The following BMP2K variants were observed in gnomAD, a reference collection of about 807,000 sequenced individuals.
BMP2K encodes BMP2 inducible kinase, also known as BMP-2-inducible protein kinase.
BMP2K carries 74 observed loss-of-function variants against 116.0 expected under a neutral mutation model. The ratio of observed to expected loss-of-function variants is 0.64; its 90% confidence interval spans 0.53 to 0.77. The LOEUF (loss-of-function observed/expected upper bound fraction) is 0.77, where lower values mean the gene tolerates loss of function less well. Among genes scored for constraint, BMP2K ranks in the 30% least tolerant of loss-of-function variants. The pLI, the probability that BMP2K is intolerant of heterozygous loss-of-function variation, is 0.00. For synonymous variants in BMP2K, 486 were observed against 502.5 expected, an observed-to-expected ratio of 0.97 and a Z score of 0.44; for missense variants, 1,365 against 1,403.6, an observed-to-expected ratio of 0.97 and a Z score of 0.44.
intron 9 of BMP2K, among the ~76,000 whole-genome samples, chr4:78,861,983 T>C (rs1577936128): frequency 6.6e-6 from 1 of 151,936 alleles, no homozygotes; most frequent in East Asian, 1.9e-4. Flanking sequence ...TTGAACTATA[T>C]TATGTAAGTT....
chr4:78,883,681 A>G (rs1341573609), intron 14 of BMP2K, among the ~76,000 whole-genome samples: 1 of 152,204 alleles, frequency 6.6e-6, no homozygotes, highest in African/African-American at 2.4e-5. Context: ...GATGGATGTA[A>G]TATACCCAGT....
intron 1 of BMP2K, among the ~76,000 whole-genome samples, chr4:78,802,041 A>C (rs995101408): frequency 2.0e-5 from 3 of 152,158 alleles, no homozygotes; most frequent in Non-Finnish European, 4.4e-5. Flanking sequence ...ATTTTTTGTT[A>C]GCTTGAGAAG....
chr4:78,788,107 A>G (rs1727813482), intron 1 of BMP2K, among the ~76,000 whole-genome samples: 1 of 151,778 alleles, frequency 6.6e-6, no homozygotes, highest in African/African-American at 2.4e-5. Flanking sequence ...GGGATTATGC[A>G]TCACTGGCAA....
chr4:78,853,302 G>T (rs1441171101), intron 7 of BMP2K, among the ~76,000 whole-genome samples: 2 of 152,050 alleles, frequency 1.3e-5, no homozygotes, highest in African/African-American at 2.4e-5. Flanking sequence ...TTTAGGTCAA[G>T]GGTAGTTACC....
chr4:78,879,917 C>T (rs1239476587), intron 14 of BMP2K: 2 of 151,942 alleles, frequency 1.3e-5, no homozygotes, highest in Non-Finnish European at 2.9e-5. Flanking sequence ...TGATTAAATG[C>T]AGATATAAAA....
intron 10 of BMP2K, among the ~76,000 whole-genome samples, chr4:78,868,933 A>G (rs113912709): frequency 1.3e-5 from 2 of 152,240 alleles, no homozygotes; most frequent in Non-Finnish European, 2.9e-5. Flanking sequence ...TTTCAGGCGC[A>G]TGTTGCAAGC....
chr4:78,850,873 G>T (rs748568395), intron 6 of BMP2K, 51 bp from the exon 7 acceptor site: 3 of 1,582,366 alleles, frequency 1.9e-6, no homozygotes, highest in East Asian at 2.3e-5. Context: ...GGCTATTTTT[G>T]TGTCTTGTTA....
intron 15 of BMP2K, among the ~76,000 whole-genome samples, chr4:78,907,042 G>C (rs1734321302): frequency 6.6e-6 from 1 of 152,058 alleles, no homozygotes; most frequent in South Asian, 2.1e-4. Flanking sequence ...GAAGGAAAAA[G>C]TGCATGAATC....
At chr4:78,792,133 C>G (rs1481645620) in intron 1 of BMP2K, among the ~76,000 whole-genome samples, 1 of 152,100 alleles carries the variant, frequency 6.6e-6, no homozygotes, top group Non-Finnish European at 1.5e-5. Context: ...TAATAGCCAT[C>G]GTAATGAAGT....
chr4:78,875,025 T>C (rs1306229241), intron 13 of BMP2K, among the ~76,000 whole-genome samples: 1 of 152,210 alleles, frequency 6.6e-6, no homozygotes, highest in Non-Finnish European at 1.5e-5. Context: ...GAAATTTATG[T>C]ATTTAAGGAT....
rs527299983 is a variant in BMP2K, at chr4:78,803,935, A to G, written c.179-22102A>G. On this transcript the variant is annotated intron_variant, in intron 1 of 15. Coordinates refer to ENST00000502613, the MANE Select transcript of BMP2K (RefSeq NM_198892.2). Reference sequence around the variant, plus strand: ...AGAACTAGTTTCAGTCTGGAACTGAATCTCTTATACTCTGATTTTTTAAAT... The same window carrying G: ...AGAACTAGTTTCAGTCTGGAACTGAGTCTCTTATACTCTGATTTTTTAAAT... Among the ~76,000 whole-genome samples the G allele has an allele frequency of 9.2e-5, 14 of 152,240 alleles. No individual in the cohort carries two copies. The South Asian group carries it at 1.5e-3, about 16-fold the overall frequency.
intron 1 of BMP2K, among the ~76,000 whole-genome samples, chr4:78,788,541 G>C (rs1414356666): frequency 6.6e-6 from 1 of 152,036 alleles, no homozygotes; most frequent in African/African-American, 2.4e-5. Flanking sequence ...TCATCTTTTA[G>C]CAAAATGTTT....
chr4:78,896,029 G>A (rs1194730574), intron 15 of BMP2K, among the ~76,000 whole-genome samples: 1 of 152,156 alleles, frequency 6.6e-6, no homozygotes, highest in Non-Finnish European at 1.5e-5. Context: ...ACAATGCTGG[G>A]ATTACAGGCG....
intron 5 of BMP2K, among the ~76,000 whole-genome samples, 175 bp from the exon 6 acceptor site, chr4:78,847,013 A>G (rs963141438): frequency 1.3e-5 from 2 of 151,544 alleles, no homozygotes; most frequent in Non-Finnish European, 3.0e-5. Flanking sequence ...GATGCTTTGT[A>G]TTGTTTAATC....
rs548709110 is a variant in BMP2K, at chr4:78,778,760, G to A, written c.178+2039G>A. Among the ~76,000 whole-genome samples the A allele has an allele frequency of 5.3e-5, 8 of 152,256 alleles. No individual in the cohort carries two copies. In the South Asian group the frequency reaches 1.2e-3, roughly 24 times the overall value. On this transcript the variant is annotated intron_variant, in intron 1 of 15. Transcript: ENST00000502613. ...AGATGTTTAAGCACAAGTCTAGTTC[G>A]CATTTAAGCGTGATTAATCAATAAT... is the stretch of plus-strand genomic sequence containing the variant.
intron 1 of BMP2K, among the ~76,000 whole-genome samples, chr4:78,788,348 T>C (rs1441150476): frequency 1.3e-5 from 2 of 151,978 alleles, no homozygotes. Context: ...GATAGTTAAC[T>C]GTTACGTGCA....
intron 2 of BMP2K, among the ~76,000 whole-genome samples, chr4:78,829,787 T>TTTCTTTTCTTTTCTTTTCTCTC (rs71216237): frequency 3.1e-4 from 27 of 86,650 alleles, no homozygotes; most frequent in African/African-American, 1.0e-3. Context: ...TTTCTTTTCT[T>TTTCTTTTCTTTTCTTTTCTCTC]TTCTCTTCTC....
At chr4:78,899,833 A>AGTTT (rs1218093108) in intron 15 of BMP2K, among the ~76,000 whole-genome samples, 2 of 152,184 alleles carry the variant, frequency 1.3e-5, no homozygotes, top group Non-Finnish European at 2.9e-5. Context: ...TGAGAGTTGA[A>AGTTT]GAAGTTGAGA....
chr4:78,809,473 A>G (rs905972351), intron 1 of BMP2K, among the ~76,000 whole-genome samples: 4 of 151,834 alleles, frequency 2.6e-5, no homozygotes, highest in African/African-American at 9.7e-5. Context: ...GACCTCCTGA[A>G]CTTAAGCAGT....
Sources: gnomAD v4.1 joint callset for allele counts (sites outside exome capture counted in the v4.1 genomes callset) on GRCh38, gnomAD v4.1.1 for gene constraint, MANE v1.5 for transcripts, NCBI Gene and HGNC (gene_info 2026-07-23, HGNC 2026-07-21) for gene names.